SLC24A2: variants seen among roughly 807,000 people sequenced by gnomAD.
SLC24A2 encodes sodium/potassium/calcium exchanger 2.
Under a neutral mutation model 62.0 loss-of-function variants are expected in SLC24A2, and 36 were observed. The ratio of observed to expected loss-of-function variants is 0.58; its 90% CI spans 0.44 to 0.77. SLC24A2 has a LOEUF of 0.77. SLC24A2 is among the 30% of genes least tolerant of loss of function. The pLI is 0.00. For synonymous variants in SLC24A2, 358 were observed against 294.0 expected, an observed-to-expected ratio of 1.22 and a Z score of -2.23; for missense variants, 846 against 817.9, an observed-to-expected ratio of 1.03 and a Z score of -0.42.
At chr9:20,203,516 C>A in the SLC24A2 span, among the ~76,000 whole-genome samples, 12 of 152,106 alleles carry the variant, frequency 7.9e-5, no homozygotes, top group East Asian at 3.9e-4. Context: ...CTTCTAAATT[C>A]TCTCCCTTAC....
the SLC24A2 span, among the ~76,000 whole-genome samples, chr9:20,295,036 G>GTATATA: frequency 2.7e-3 from 396 of 145,668 alleles, no homozygotes; most frequent in African/African-American, 8.0e-3. Flanking sequence ...GTGTATATAT[G>GTATATA]TATATATATA....
At chr9:20,066,415 G>C in the SLC24A2 span, among the ~76,000 whole-genome samples, 1 of 152,156 alleles carries the variant, frequency 6.6e-6, no homozygotes, top group Non-Finnish European at 1.5e-5. Flanking sequence ...GAAAGAATTA[G>C]AAAGGGGGGA....
the SLC24A2 span, among the ~76,000 whole-genome samples, chr9:20,252,009 C>G: frequency 6.6e-6 from 1 of 152,192 alleles, no homozygotes; most frequent in Non-Finnish European, 1.5e-5. Flanking sequence ...ACTTGGGTCA[C>G]CTGCCCATTC....
the SLC24A2 span, among the ~76,000 whole-genome samples, chr9:19,843,387 C>G: frequency 2.0e-5 from 3 of 152,178 alleles, no homozygotes; most frequent in East Asian, 5.8e-4. Flanking sequence ...TGGCGCATGC[C>G]TGTAACCCTA....
At chr9:19,854,190 T>C in the SLC24A2 span, among the ~76,000 whole-genome samples, 1 of 152,184 alleles carries the variant, frequency 6.6e-6, no homozygotes, top group African/African-American at 2.4e-5. Flanking sequence ...TTCTTCTCTC[T>C]TTTCTTCTTT....
the SLC24A2 span, among the ~76,000 whole-genome samples, chr9:19,997,932 C>T: frequency 6.6e-6 from 1 of 152,152 alleles, no homozygotes; most frequent in African/African-American, 2.4e-5. Flanking sequence ...TTTTCTCTGG[C>T]TCTTTCCAAT....
chr9:19,691,909 C>T (rs1312658111), intron 2 of SLC24A2, among the ~76,000 whole-genome samples: 2 of 152,090 alleles, frequency 1.3e-5, no homozygotes, highest in African/African-American at 2.4e-5. Context: ...CTCTACCCCT[C>T]CCCTCTGCTC....
chr9:19,935,962 T>C, the SLC24A2 span, among the ~76,000 whole-genome samples: 1 of 152,200 alleles, frequency 6.6e-6, no homozygotes, highest in Non-Finnish European at 1.5e-5. Context: ...TGCCTTAAAA[T>C]ATTTAGGAAG....
In SLC24A2 at chr9:19,524,997, T is replaced by A. The variant is rs79433680; in HGVS notation, c.1569+3052A>T. On this transcript the variant is annotated intron_variant, in intron 9 of 10. Coordinates refer to ENST00000341998, the MANE Select transcript of SLC24A2 (RefSeq NM_020344.4). ...TATTAAGAAAAACTATTATATGTTATAAATGGCAAACAGTCCTTTCAGCCT... is the reference window on the plus strand; with the variant it reads ...TATTAAGAAAAACTATTATATGTTAAAAATGGCAAACAGTCCTTTCAGCCT... Among the ~76,000 whole-genome samples, 10 of 152,324 alleles carry A rather than the reference T, an allele frequency of 6.6e-5. No homozygotes were observed. The East Asian group carries it at 1.9e-3, about 29-fold the overall frequency.
At chr9:20,012,161 T>A in the SLC24A2 span, among the ~76,000 whole-genome samples, 2 of 152,224 alleles carry the variant, frequency 1.3e-5, no homozygotes, top group Non-Finnish European at 2.9e-5. Context: ...TTAGTCCATT[T>A]TCATGCTGCT....
In SLC24A2 at chr9:19,717,974, CTTTTTT is replaced by C. The variant is rs373497951; in HGVS notation, c.930+67957_930+67962del. Among the ~76,000 whole-genome samples, 151 of 135,318 alleles carry C rather than the reference CTTTTTT, an allele frequency of 1.1e-3. 1 individual carries two copies. Among genetic ancestry groups the C allele is most frequent in the African/African-American group, 3.9e-3 (141 of 36,406 alleles). 88.8% of individuals were successfully genotyped at this position (135,318 alleles called of 152,430 possible). A position where few individuals can be genotyped will look rare whatever the true frequency, so the allele number is the denominator to read the frequency against. On this transcript the variant is annotated intron_variant, in intron 2 of 10. Coordinates refer to ENST00000341998, the MANE Select transcript of SLC24A2 (RefSeq NM_020344.4). Reference sequence around the variant, plus strand: ...AATATAATGGCTAGATGATTTAAAACTTTTTTTTTTTTTTTTTTTTAAAACGGAGTC... The same window carrying C: ...AATATAATGGCTAGATGATTTAAAACTTTTTTTTTTTTTTAAAACGGAGTC...
the SLC24A2 span, among the ~76,000 whole-genome samples, chr9:19,963,934 G>A: frequency 1.3e-5 from 2 of 152,024 alleles, no homozygotes; most frequent in African/African-American, 2.4e-5. Flanking sequence ...GTTTATAGCG[G>A]CACTATTCAC....
At chr9:20,144,474 G>C in the SLC24A2 span, among the ~76,000 whole-genome samples, 1 of 152,134 alleles carries the variant, frequency 6.6e-6, no homozygotes, top group African/African-American at 2.4e-5. Flanking sequence ...TTCCTGTCGG[G>C]CTGTTTATTT....
At chr9:19,763,093 G>T (rs1230069401) in intron 2 of SLC24A2, among the ~76,000 whole-genome samples, 4 of 152,078 alleles carry the variant, frequency 2.6e-5, no homozygotes, top group African/African-American at 4.8e-5. Context: ...CTGTGAATGG[G>T]AGTTTGCTCA....
intron 5 of SLC24A2, among the ~76,000 whole-genome samples, chr9:19,589,561 T>G (rs1401543980): frequency 6.6e-6 from 1 of 152,248 alleles, no homozygotes; most frequent in Admixed American, 6.5e-5. Context: ...CGTTTGGATT[T>G]GTAACCAAAA....
At chr9:20,297,210 C>G in the SLC24A2 span, among the ~76,000 whole-genome samples, 1 of 152,174 alleles carries the variant, frequency 6.6e-6, no homozygotes, top group South Asian at 2.1e-4. Flanking sequence ...GCCAGTCAGA[C>G]TGTCCAGGTG....
chr9:20,017,285 A>C, the SLC24A2 span, among the ~76,000 whole-genome samples: 33 of 152,296 alleles, frequency 2.2e-4, no homozygotes, highest in Non-Finnish European at 3.7e-4. Context: ...AGCCTCCCAA[A>C]GTGCTGGGAT....
the SLC24A2 span, among the ~76,000 whole-genome samples, chr9:20,065,172 G>C: frequency 2.3e-3 from 345 of 152,316 alleles, 1 homozygote; most frequent in African/African-American, 7.8e-3. Flanking sequence ...GAAAAGGACA[G>C]ATTGGGCAGG....
At chr9:20,209,318 G>C in the SLC24A2 span, among the ~76,000 whole-genome samples, 2 of 152,172 alleles carry the variant, frequency 1.3e-5, no homozygotes, top group Admixed American at 1.3e-4. Context: ...TCTTCTTGCA[G>C]ATAACATTCA....
Sources: gnomAD v4.1 joint callset for allele counts (sites outside exome capture counted in the v4.1 genomes callset) on GRCh38, gnomAD v4.1.1 for gene constraint, MANE v1.5 for transcripts, NCBI Gene and HGNC (gene_info 2026-07-23, HGNC 2026-07-21) for gene names.